Variants in SLCO2A1 observed in about 807,000 individuals in gnomAD.
The protein encoded by SLCO2A1 is matrin F/G 1.
SLCO2A1 carries 60 observed loss-of-function variants against 71.7 expected under a neutral mutation model. The observed-to-expected ratio is 0.84, with a 90% confidence interval of 0.68 to 1.04. The LOEUF (loss-of-function observed/expected upper bound fraction) is 1.04, where lower values mean the gene tolerates loss of function less well. Ranked by LOEUF, SLCO2A1 falls within the 50% of genes least tolerant of loss-of-function variation. The pLI is 0.00. For synonymous variants in SLCO2A1, 308 were observed against 326.7 expected, an observed-to-expected ratio of 0.94 and a Z score of 0.62; for missense variants, 745 against 813.4, an observed-to-expected ratio of 0.92 and a Z score of 1.02.
chr3:133,935,004 G>A (rs1009975701), intron 13 of SLCO2A1, among the ~76,000 whole-genome samples, 174 bp from the exon 14 acceptor site: 4 of 152,198 alleles, frequency 2.6e-5, no homozygotes, highest in Non-Finnish European at 5.9e-5. Context: ...GAACAAAGCT[G>A]TAGGGAAGCA....
intron 1 of SLCO2A1, among the ~76,000 whole-genome samples, chr3:133,985,351 G>T (rs774190708): frequency 6.6e-6 from 1 of 152,112 alleles, no homozygotes; most frequent in East Asian, 1.9e-4. Context: ...ATGTAACTCC[G>T]CATCCACACA....
intron 1 of SLCO2A1, among the ~76,000 whole-genome samples, chr3:133,994,590 T>C (rs1169838928): frequency 1.3e-5 from 2 of 152,246 alleles, no homozygotes; most frequent in African/African-American, 2.4e-5. Flanking sequence ...TGATGGTGTC[T>C]GGGTTCTGTC....
intron 11 of SLCO2A1, among the ~76,000 whole-genome samples, chr3:133,939,037 T>G (rs1933347742): frequency 6.6e-6 from 1 of 152,044 alleles, no homozygotes; most frequent in South Asian, 2.1e-4. Flanking sequence ...CTAAAAGAAT[T>G]CCCTACCCCA....
intron 1 of SLCO2A1, among the ~76,000 whole-genome samples, chr3:134,000,722 G>GCAGTTTTT (rs1935089343): frequency 6.6e-6 from 1 of 152,128 alleles, no homozygotes; most frequent in East Asian, 1.9e-4. Flanking sequence ...ATTTAAAATG[G>GCAGTTTTT]CAACCCAGTC....
At chr3:133,977,346 A>G (rs1934484300) in intron 2 of SLCO2A1, among the ~76,000 whole-genome samples, 1 of 152,198 alleles carries the variant, frequency 6.6e-6, no homozygotes. Context: ...TCCCTGGGAA[A>G]ATATTAAGCT....
At chr3:133,946,368 C>T (rs1254567246) in intron 9 of SLCO2A1, among the ~76,000 whole-genome samples, 2 of 152,116 alleles carry the variant, frequency 1.3e-5, no homozygotes, top group Non-Finnish European at 2.9e-5. Flanking sequence ...AAATAAAATG[C>T]CCCTTGGTTG....
chr3:133,985,908 A>G (rs1230748708), intron 1 of SLCO2A1, among the ~76,000 whole-genome samples: 5 of 152,222 alleles, frequency 3.3e-5, no homozygotes, highest in Admixed American at 1.3e-4. Flanking sequence ...CTTCTGATCA[A>G]TCTACAAGCC....
intron 3 of SLCO2A1, among the ~76,000 whole-genome samples, chr3:133,964,621 G>C (rs1487744122): frequency 6.6e-6 from 1 of 152,214 alleles, no homozygotes; most frequent in Non-Finnish European, 1.5e-5. Flanking sequence ...AGGAAAAGAA[G>C]CTCAGGGCAG....
At chr3:134,002,245 A>T (rs1184210399) in intron 1 of SLCO2A1, among the ~76,000 whole-genome samples, 1 of 152,132 alleles carries the variant, frequency 6.6e-6, no homozygotes, top group Non-Finnish European at 1.5e-5. Flanking sequence ...TCCAAATTCC[A>T]ATATGTGGTG....
In SLCO2A1 at chr3:133,973,516, T is replaced by C. The variant is rs768920433; in HGVS notation, c.397+147A>G. The C allele has an allele frequency of 3.9e-4, 322 of 823,754 alleles. No individual in the cohort carries two copies. In the Middle Eastern group the frequency reaches 4.4e-3, roughly 11 times the overall value. The allele number at this position is 823,754 out of a possible 1,614,324, so 51.0% of individuals were successfully genotyped here. A position where few individuals can be genotyped will look rare whatever the true frequency, so the allele number is the denominator to read the frequency against. On this transcript the variant is annotated intron_variant, in intron 3 of 13. Transcript: ENST00000310926. ...CCTGAACAAACCAGAGTTCAGTTGC[T>C]CCATAGCTCTACATACTTCAGTATA...
intron 2 of SLCO2A1, among the ~76,000 whole-genome samples, chr3:133,977,485 T>A (rs1047897557): frequency 6.6e-5 from 10 of 152,174 alleles, no homozygotes; most frequent in African/African-American, 1.7e-4. Context: ...AGGGTCAACA[T>A]GAATGAAAAT....
At chr3:133,964,542 G>A (rs750246143) in intron 3 of SLCO2A1, among the ~76,000 whole-genome samples, 4 of 152,198 alleles carry the variant, frequency 2.6e-5, no homozygotes, top group Non-Finnish European at 5.9e-5. Flanking sequence ...CTGGTCACCA[G>A]CAATGGATGG....
chr3:133,979,641 G>C (rs373831942), intron 1 of SLCO2A1, 23 bp from the exon 2 acceptor site: 1 of 1,583,224 alleles, frequency 6.3e-7, no homozygotes, highest in South Asian at 1.2e-5. Flanking sequence ...TGATGGGCCC[G>C]TGAGGTTTCT....
At chr3:133,996,728 GC>G (rs1934974745) in intron 1 of SLCO2A1, among the ~76,000 whole-genome samples, 1 of 152,142 alleles carries the variant, frequency 6.6e-6, no homozygotes, top group Admixed American at 6.5e-5. Context: ...GTGATGAGCA[GC>G]CCCCTGAAAA....
chr3:133,941,438 C>T (rs57398983), intron 11 of SLCO2A1, among the ~76,000 whole-genome samples: 3,328 of 152,162 alleles, frequency 0.022, 124 homozygotes, highest in African/African-American at 0.073. Flanking sequence ...TTAGGCAACA[C>T]CCTAACACAG....
chr3:133,994,227 C>A (rs918539851), intron 1 of SLCO2A1, among the ~76,000 whole-genome samples: 7 of 152,130 alleles, frequency 4.6e-5, no homozygotes, highest in African/African-American at 1.7e-4. Flanking sequence ...AAAGTTAATC[C>A]TCATATCAGC....
intron 5 of SLCO2A1, 88 bp from the exon 6 acceptor site, chr3:133,951,432 CT>C: frequency 6.6e-7 from 1 of 1,505,364 alleles, no homozygotes; most frequent in Non-Finnish European, 9.1e-7. Context: ...GGGAGTTTCA[CT>C]GATTTTCTTC....
At chr3:133,978,658 C>A (rs1934515166) in intron 2 of SLCO2A1, among the ~76,000 whole-genome samples, 1 of 152,094 alleles carries the variant, frequency 6.6e-6, no homozygotes, top group Non-Finnish European at 1.5e-5. Context: ...AGAGGAGCAA[C>A]CCGGCTCTGG....
chr3:133,981,845 C>T (rs1934600113), intron 1 of SLCO2A1, among the ~76,000 whole-genome samples: 1 of 152,050 alleles, frequency 6.6e-6, no homozygotes, highest in Non-Finnish European at 1.5e-5. Flanking sequence ...CGTGGTGGCA[C>T]ATGCCTGTAA....
Sources: gnomAD v4.1 joint callset for allele counts (sites outside exome capture counted in the v4.1 genomes callset) on GRCh38, gnomAD v4.1.1 for gene constraint, MANE v1.5 for transcripts, NCBI Gene and HGNC (gene_info 2026-07-23, HGNC 2026-07-21) for gene names.